Variants in MAPK14 observed in about 807,000 individuals in gnomAD.
MAPK14 encodes the protein mitogen-activated protein kinase 14, also known as CSAID-binding protein.
MAPK14 carries 16 observed loss-of-function variants against 49.6 expected under a neutral mutation model. That is an observed-to-expected ratio of 0.32 (90% CI 0.22 to 0.49). The LOEUF is 0.49. Ranked by LOEUF, MAPK14 falls within the 20% of genes least tolerant of loss-of-function variation. The pLI, the probability that MAPK14 is intolerant of heterozygous loss-of-function variation, is 0.99. For missense variants in MAPK14, 200 were observed against 441.2 expected (o/e 0.45, Z 4.90); for synonymous variants, 142 against 158.0 (o/e 0.90, Z 0.76).
intron 3 of MAPK14, among the ~76,000 whole-genome samples, chr6:36,060,408 C>A (rs1299527806): frequency 6.6e-6 from 1 of 152,174 alleles, no homozygotes; most frequent in Non-Finnish European, 1.5e-5. Flanking sequence ...GCCCCCAGTT[C>A]ACATATACAC....
chr6:36,071,247 C>T (rs182808651), intron 3 of MAPK14, among the ~76,000 whole-genome samples: 3 of 151,854 alleles, frequency 2.0e-5, no homozygotes, highest in East Asian at 1.9e-4. Flanking sequence ...GCACGAGAAT[C>T]GCTTAATCCC....
intron 3 of MAPK14, among the ~76,000 whole-genome samples, chr6:36,060,816 A>G (rs1468694477): frequency 6.6e-6 from 1 of 152,248 alleles, no homozygotes; most frequent in Admixed American, 6.5e-5. Flanking sequence ...GGAACAGTGT[A>G]TGGCTGAGAG....
intron 10 of MAPK14, among the ~76,000 whole-genome samples, chr6:36,106,011 A>G (rs1296116666): frequency 1.3e-5 from 2 of 152,250 alleles, no homozygotes; most frequent in African/African-American, 2.4e-5. Context: ...GCAGAAAGCC[A>G]TAAGTGAAAA....
chr6:36,113,343 T>TAAAAAAA (rs35876911), downstream of MAPK14, among the ~76,000 whole-genome samples: 3 of 71,756 alleles, frequency 4.2e-5, no homozygotes, highest in Non-Finnish European at 5.7e-5. Context: ...CCCTGTCTCA[T>TAAAAAAA]AAAAAAAAAA....
chr6:36,037,769 G>A (rs999831477), intron 1 of MAPK14, among the ~76,000 whole-genome samples: 14 of 152,072 alleles, frequency 9.2e-5, no homozygotes, highest in Non-Finnish European at 2.1e-4. Flanking sequence ...GTTTCCTTGA[G>A]CCCAGTAGTT....
intron 10 of MAPK14, among the ~76,000 whole-genome samples, chr6:36,105,069 A>G (rs947725182): frequency 6.6e-6 from 1 of 152,198 alleles, no homozygotes; most frequent in Non-Finnish European, 1.5e-5. Context: ...CAGATGGAGC[A>G]CAGTGTTACT....
At chr6:36,100,211 A>G in intron 9 of MAPK14, 1 of 1,613,650 alleles carries the variant, frequency 6.2e-7, no homozygotes, top group Non-Finnish European at 8.5e-7. Context: ...TCAGCAGATT[A>G]TGCGTCTGAC....
At chr6:36,076,665 G>GTGTA in intron 8 of MAPK14, 57 bp downstream of exon 8, 1 of 1,305,404 alleles carries the variant, frequency 7.7e-7, no homozygotes, top group Non-Finnish European at 1.1e-6. Context: ...GTGTCCATGG[G>GTGTA]TGTATACTCC....
At chr6:36,124,075 G>A in the MAPK14 span, among the ~76,000 whole-genome samples, 1 of 150,268 alleles carries the variant, frequency 6.7e-6, no homozygotes, top group Admixed American at 6.6e-5. Flanking sequence ...GGGAGTGGGG[G>A]AGGGTGCCTT....
chr6:36,084,657 T>C (rs1197690398), intron 8 of MAPK14, among the ~76,000 whole-genome samples: 1 of 152,156 alleles, frequency 6.6e-6, no homozygotes, highest in East Asian at 1.9e-4. Flanking sequence ...ACAAAACTTT[T>C]GAGAACTATG....
chr6:36,030,831 T>C (rs1413491757), intron 1 of MAPK14, among the ~76,000 whole-genome samples: 1 of 152,186 alleles, frequency 6.6e-6, no homozygotes, highest in Non-Finnish European at 1.5e-5. Context: ...GTTTGTTTAG[T>C]AGTCTTTCTA....
intron 1 of MAPK14, among the ~76,000 whole-genome samples, chr6:36,042,009 G>A (rs753806190): frequency 6.6e-6 from 1 of 151,690 alleles, no homozygotes; most frequent in Non-Finnish European, 1.5e-5. Flanking sequence ...TGGGTATTTG[G>A]AGAGAAGAAA....
chr6:36,117,959 C>A, the MAPK14 span, among the ~76,000 whole-genome samples: 4 of 152,182 alleles, frequency 2.6e-5, no homozygotes, highest in Non-Finnish European at 5.9e-5. Flanking sequence ...AAGCAAAGAT[C>A]ATTTAAAGAA....
At chr6:36,069,712 C>G (rs1323035258) in intron 3 of MAPK14, among the ~76,000 whole-genome samples, 1 of 151,480 alleles carries the variant, frequency 6.6e-6, no homozygotes, top group African/African-American at 2.4e-5. Flanking sequence ...CTTTCCCTCT[C>G]TCTCTCTCTC....
At chr6:36,102,712 T>C (rs771030280) in intron 10 of MAPK14, 63 bp downstream of exon 10, 10 of 1,603,628 alleles carry the variant, frequency 6.2e-6, no homozygotes, top group Non-Finnish European at 8.5e-6. Context: ...AATTGGGGAT[T>C]TGAAGAAGAG....
intron 1 of MAPK14, among the ~76,000 whole-genome samples, chr6:36,047,943 C>T (rs1389249878): frequency 6.6e-6 from 1 of 152,026 alleles, no homozygotes; most frequent in Non-Finnish European, 1.5e-5. Context: ...GGGGTTTCAC[C>T]ATGTTGGCCA....
Position 36,050,240 on chromosome 6 carries a change from G to A in MAPK14, c.117-2459G>A, listed in dbSNP as rs182528011. Among the ~76,000 whole-genome samples, 5 of 152,310 alleles carry A rather than the reference G, an allele frequency of 3.3e-5. No individual in the cohort carries two copies. The East Asian group carries it at 9.6e-4, about 29-fold the overall frequency. ...TCAGAGAGACAGACAGACAGAGAGA[G>A]AGAAGTGCAAGGGAGTGATTATAAT... is the stretch of plus-strand genomic sequence containing the variant. On this transcript the variant is annotated intron_variant, in intron 1 of 11. Coordinates refer to ENST00000229794, the MANE Select transcript of MAPK14 (RefSeq NM_139012.3).
intron 3 of MAPK14, among the ~76,000 whole-genome samples, chr6:36,066,149 G>A (rs771411802): frequency 3.3e-5 from 5 of 152,084 alleles, no homozygotes; most frequent in Non-Finnish European, 4.4e-5. Context: ...GAAACAGATG[G>A]TATTATCTCT....
intron 9 of MAPK14, chr6:36,100,313 A>T (rs774924979): frequency 7.2e-7 from 1 of 1,394,142 alleles, no homozygotes; most frequent in Non-Finnish European, 1.0e-6. Context: ...GAGAAGCCAC[A>T]TTCTCATTTT....
Sources: allele counts gnomAD v4.1 joint callset (sites outside exome capture counted in the v4.1 genomes callset), GRCh38; gene constraint gnomAD v4.1.1; transcripts MANE v1.5; gene names NCBI Gene and HGNC (gene_info 2026-07-23, HGNC 2026-07-21).